The following TAFA2 variants were observed in gnomAD, a reference collection of about 807,000 sequenced individuals.
The protein encoded by TAFA2 is TAFA chemokine like family member 2.
TAFA2 carries 7 observed loss-of-function variants against 18.8 expected under a neutral mutation model. That is an observed-to-expected ratio of 0.37 (90% CI 0.21 to 0.70). The LOEUF is 0.70. Among genes scored for constraint, TAFA2 ranks in the 30% least tolerant of loss-of-function variants. The pLI, the probability that TAFA2 is intolerant of heterozygous loss-of-function variation, is 0.53. For missense variants in TAFA2, 122 were observed against 158.1 expected (o/e 0.77, Z 1.23); for synonymous variants, 60 against 54.2 (o/e 1.11, Z -0.47).
At chr12:62,003,924 A>G (rs912058616) in intron 1 of TAFA2, among the ~76,000 whole-genome samples, 5 of 152,158 alleles carry the variant, frequency 3.3e-5, no homozygotes, top group African/African-American at 1.2e-4. Context: ...AAGTGCATGC[A>G]AAAAAAGGAG....
intron 2 of TAFA2, among the ~76,000 whole-genome samples, chr12:61,848,174 G>A (rs1873485086): frequency 6.6e-6 from 1 of 152,182 alleles, no homozygotes; most frequent in African/African-American, 2.4e-5. Context: ...TGCAAACGCA[G>A]ATGAATTGCA....
intron 2 of TAFA2, among the ~76,000 whole-genome samples, chr12:61,852,600 C>G (rs767069113): frequency 6.6e-6 from 1 of 152,076 alleles, no homozygotes; most frequent in African/African-American, 2.4e-5. Flanking sequence ...ATGTTTGGTG[C>G]CTGTCAAATC....
chr12:61,995,973 T>C (rs182898937), intron 1 of TAFA2, among the ~76,000 whole-genome samples: 12,108 of 152,036 alleles, frequency 0.08, 493 homozygotes, highest in Non-Finnish European at 0.1. Flanking sequence ...AATAATTCTG[T>C]CCCCCTCCTC....
intron 1 of TAFA2, among the ~76,000 whole-genome samples, chr12:62,085,557 C>A (rs1047410433): frequency 7.2e-5 from 11 of 152,152 alleles, no homozygotes; most frequent in African/African-American, 2.6e-4. Context: ...TAAATGCCTT[C>A]TTTTATTCAT....
intron 2 of TAFA2, among the ~76,000 whole-genome samples, chr12:61,830,377 A>C (rs924511237): frequency 6.6e-6 from 1 of 151,512 alleles, no homozygotes; most frequent in African/African-American, 2.4e-5. Context: ...ACATATATAC[A>C]TATATGTATG....
intron 1 of TAFA2, among the ~76,000 whole-genome samples, chr12:61,882,876 G>T (rs565554363): frequency 2.6e-5 from 4 of 152,058 alleles, no homozygotes; most frequent in Non-Finnish European, 5.9e-5. Context: ...TGATCATTTT[G>T]TACAATAAAG....
intron 4 of TAFA2, among the ~76,000 whole-genome samples, chr12:61,737,093 A>G (rs550772607): frequency 6.5e-4 from 99 of 152,078 alleles, no homozygotes; most frequent in African/African-American, 2.2e-3. Flanking sequence ...GATGGCACAC[A>G]CTACTACCTT....
At chr12:61,959,132 A>T (rs556561762) in intron 1 of TAFA2, among the ~76,000 whole-genome samples, 135 of 152,028 alleles carry the variant, frequency 8.9e-4, no homozygotes, top group Non-Finnish European at 1.5e-3. Context: ...CTTTTAATTC[A>T]TCCTTCTTGC....
chr12:62,254,485 T>G (rs745468789), intron 1 of TAFA2, among the ~76,000 whole-genome samples: 7 of 152,200 alleles, frequency 4.6e-5, no homozygotes, highest in Non-Finnish European at 1.0e-4. Flanking sequence ...AGAGGTATAC[T>G]ATACATCCAG....
At chr12:61,788,088 A>G (rs1014882954) in intron 2 of TAFA2, among the ~76,000 whole-genome samples, 1 of 151,686 alleles carries the variant, frequency 6.6e-6, no homozygotes, top group Non-Finnish European at 1.5e-5. Flanking sequence ...CAAGTCAAAA[A>G]GTGTAAAAAG....
At chr12:62,052,835 TA>T (rs2136776713) in intron 1 of TAFA2, among the ~76,000 whole-genome samples, 1 of 152,344 alleles carries the variant, frequency 6.6e-6, no homozygotes, top group Non-Finnish European at 1.5e-5. Context: ...GTTTGCTAAA[TA>T]AAGAGTGCAA....
intron 1 of TAFA2, among the ~76,000 whole-genome samples, chr12:62,166,657 G>A (rs2062442464): frequency 6.6e-6 from 1 of 151,962 alleles, no homozygotes; most frequent in African/African-American, 2.4e-5. Flanking sequence ...TCTGGCAATT[G>A]CCAGAAGGGG....
At chr12:61,809,521 T>C (rs974128926) in intron 2 of TAFA2, among the ~76,000 whole-genome samples, 2 of 151,238 alleles carry the variant, frequency 1.3e-5, no homozygotes, top group Non-Finnish European at 2.9e-5. Flanking sequence ...TTTGTCATAA[T>C]AAAAATATGT....
chr12:62,184,443 T>C (rs1387768409), intron 1 of TAFA2, among the ~76,000 whole-genome samples: 1 of 151,316 alleles, frequency 6.6e-6, no homozygotes, highest in East Asian at 1.9e-4. Context: ...TCACGCTATA[T>C]TATTGCACTT....
At chr12:62,218,097 T>C (rs958771672) in intron 1 of TAFA2, among the ~76,000 whole-genome samples, 3 of 151,864 alleles carry the variant, frequency 2.0e-5, no homozygotes, top group African/African-American at 4.8e-5. Context: ...CTGGGCTCAA[T>C]AGATCCTCCC....
chr12:62,122,792 T>C (rs945044710), intron 1 of TAFA2, among the ~76,000 whole-genome samples: 6 of 152,248 alleles, frequency 3.9e-5, no homozygotes, highest in African/African-American at 1.4e-4. Context: ...GAAACACCAT[T>C]CACACTGGCT....
At chr12:61,889,786 G>T (rs1436516329) in intron 1 of TAFA2, among the ~76,000 whole-genome samples, 1 of 152,150 alleles carries the variant, frequency 6.6e-6, no homozygotes, top group East Asian at 1.9e-4. Context: ...GTCATTTAGA[G>T]ACTTTTTAAA....
At chr12:62,210,623 G>A (rs2062709305) in intron 1 of TAFA2, among the ~76,000 whole-genome samples, 1 of 152,134 alleles carries the variant, frequency 6.6e-6, no homozygotes. Context: ...CAGAGGTTCC[G>A]GAGTCTTTGA....
chr12:62,068,013 G>C (rs1221059388), intron 1 of TAFA2, among the ~76,000 whole-genome samples: 4 of 148,350 alleles, frequency 2.7e-5, no homozygotes, highest in Non-Finnish European at 1.5e-5. Context: ...AATTCTTAGT[G>C]TCAGATCTTC....
Sources: gnomAD v4.1 joint callset for allele counts (sites outside exome capture counted in the v4.1 genomes callset) on GRCh38, gnomAD v4.1.1 for gene constraint, MANE v1.5 for transcripts, NCBI Gene and HGNC (gene_info 2026-07-23, HGNC 2026-07-21) for gene names.